Variants in TTC21B observed in about 807,000 individuals in gnomAD.
TTC21B encodes tetratricopeptide repeat domain 21B, also known as tetratricopeptide repeat protein 21B.
TTC21B carries 127 observed loss-of-function variants against 175.1 expected under a neutral mutation model. The ratio of observed to expected loss-of-function variants is 0.73; its 90% CI spans 0.63 to 0.84. The LOEUF (loss-of-function observed/expected upper bound fraction) is 0.84. Ranked by LOEUF, TTC21B falls within the 40% of genes least tolerant of loss-of-function variation. TTC21B has a pLI of 0.00. For synonymous variants in TTC21B, 524 were observed against 524.5 expected (o/e 1.00, Z 0.01); for missense variants, 1,561 against 1,558.3 (o/e 1.00, Z -0.03).
In TTC21B at chr2:165,953,752, C is replaced by T; in HGVS notation, c.-47G>A. The T allele has an allele frequency of 1.3e-6, 2 of 1,548,172 alleles. No homozygotes were observed. On this transcript the variant is annotated 5_prime_UTR_variant, in exon 1 of 29. Transcript: ENST00000243344. ...CGGGGCTCTGGGGATTGTCTCGCCG[C>T]AGCCTAAAGGAAGACGCAGAATTCA... is the stretch of plus-strand genomic sequence containing the variant.
chr2:165,893,649 G>A (rs757717992), intron 22 of TTC21B, among the ~76,000 whole-genome samples: 7 of 152,060 alleles, frequency 4.6e-5, no homozygotes, highest in Non-Finnish European at 1.0e-4. Context: ...TAGTTATAGG[G>A]TGATGAGATG....
chr2:165,913,715 A>G, intron 15 of TTC21B, 69 bp from the exon 16 acceptor site: 1 of 1,330,896 alleles, frequency 7.5e-7, no homozygotes, highest in Non-Finnish European at 1.1e-6. Context: ...AAAATAAAAT[A>G]AAAAATAAGC....
At chr2:165,887,967 C>T (rs1030307757) in intron 25 of TTC21B, among the ~76,000 whole-genome samples, 9 of 152,138 alleles carry the variant, frequency 5.9e-5, no homozygotes, top group Non-Finnish European at 2.9e-5. Flanking sequence ...ATCTTGGCTA[C>T]ATCTACAACA....
rs761856542 is a variant in TTC21B, at chr2:165,931,789, A to G, written c.863T>C (p.Phe288Ser). The G allele has an allele frequency of 8.5e-5, 137 of 1,613,510 alleles. 1 individual carries two copies. In the South Asian group the frequency reaches 1.5e-3, roughly 17 times the overall value. The change falls in exon 8 of 29, where the codon TTC becomes TCC. Residue 288 changes from phenylalanine (F) to serine (S), a missense_variant. Physicochemically the swap from Phe to Ser is radical, Grantham distance 155 (BLOSUM62 -2). Coordinates refer to ENST00000243344, the MANE Select transcript of TTC21B (RefSeq NM_024753.5). ...DAMEPQNAQLFYNITLAFSRT... is the reference protein window; with the variant it reads ...DAMEPQNAQLSYNITLAFSRT... ...GCTGAAGGCGAGTGTAATGTTATAG[A>G]AAAGTTGAGCATTCTGTGGTTCCAT...
At chr2:165,884,564 T>A (rs1684944787) in intron 25 of TTC21B, among the ~76,000 whole-genome samples, 1 of 152,176 alleles carries the variant, frequency 6.6e-6, no homozygotes. Flanking sequence ...TAACGAAATG[T>A]TAAAAATAAG....
chr2:165,937,248 G>A lies in TTC21B; in HGVS notation c.710+3779C>T, dbSNP rs565083066. ...ATTCTGGAAGAGGTAAAACTATAAA[G>A]GCAGTAAAAAGAGCAGTGGTTGCAA... On this transcript the variant is annotated intron_variant, in intron 6 of 28. Transcript: ENST00000243344. Among the ~76,000 whole-genome samples, 5 of 152,150 alleles carry A rather than the reference G, an allele frequency of 3.3e-5. No individual in the cohort carries two copies. In the East Asian group the frequency reaches 9.6e-4, roughly 29 times the overall value.
chr2:165,916,062 CA>C (rs1686160483), intron 14 of TTC21B, among the ~76,000 whole-genome samples: 3 of 152,174 alleles, frequency 2.0e-5, no homozygotes, highest in Admixed American at 6.5e-5. Flanking sequence ...CTGGGTGGAT[CA>C]CTTAAGCCCA....
chr2:165,926,751 A>T (rs1322526402), intron 11 of TTC21B, among the ~76,000 whole-genome samples: 1 of 151,788 alleles, frequency 6.6e-6, no homozygotes, highest in African/African-American at 2.4e-5. Flanking sequence ...GCTGGAATAT[A>T]AAGCAGGGAG....
chr2:165,875,018 T>C (rs1018390757), intron 28 of TTC21B, among the ~76,000 whole-genome samples, 186 bp from the exon 29 acceptor site: 1 of 152,170 alleles, frequency 6.6e-6, no homozygotes, highest in African/African-American at 2.4e-5. Flanking sequence ...TAATGGTAGT[T>C]AGATGAGAAC....
chr2:165,931,815 G>A lies in TTC21B; in HGVS notation c.837C>T (p.Ala279=). The change falls in exon 8 of 29, where the codon GCC becomes GCT. Residue 279 remains alanine, a synonymous_variant. Transcript: ENST00000243344. ...KLENLGNTLD[A]MEPQNAQLFY... is the part of the protein sequence containing the mutation. ...AAAGTTGAGCATTCTGTGGTTCCATGGCATCCAATGTATTTCCCAAGTTTT... is the reference window on the plus strand; with the variant it reads ...AAAGTTGAGCATTCTGTGGTTCCATAGCATCCAATGTATTTCCCAAGTTTT... 6.2e-7 allele frequency: 1 copy of A among 1,613,564 alleles called. No homozygotes were observed.
chr2:165,942,040 C>T (rs560421750), intron 5 of TTC21B, among the ~76,000 whole-genome samples: 54 of 152,180 alleles, frequency 3.5e-4, no homozygotes, highest in African/African-American at 1.2e-3. Context: ...AAATTTTTAT[C>T]AACTAGCTTT....
intron 20 of TTC21B, among the ~76,000 whole-genome samples, 172 bp downstream of exon 20, chr2:165,901,550 T>C (rs1053049131): frequency 6.6e-6 from 1 of 152,184 alleles, no homozygotes; most frequent in Non-Finnish European, 1.5e-5. Context: ...CTCAAACTCC[T>C]GACCTCAGAT....
chr2:165,899,285 TAG>T (rs1390936844), intron 21 of TTC21B, among the ~76,000 whole-genome samples: 1 of 152,186 alleles, frequency 6.6e-6, no homozygotes, highest in Non-Finnish European at 1.5e-5. Flanking sequence ...GTCATCTGTG[TAG>T]CTGTCTGCAA....
chr2:165,891,574 A>AATTCATTCATTC (rs3032516), intron 22 of TTC21B, among the ~76,000 whole-genome samples: 8 of 149,304 alleles, frequency 5.4e-5, no homozygotes, highest in African/African-American at 7.4e-5. Flanking sequence ...TTCTAAAAAA[A>AATTCATTCATTC]ATTCATTCAT....
At chr2:165,892,548 G>T (rs1402292019) in intron 22 of TTC21B, among the ~76,000 whole-genome samples, 1 of 152,086 alleles carries the variant, frequency 6.6e-6, no homozygotes, top group Non-Finnish European at 1.5e-5. Context: ...CATAAAAAAA[G>T]AAAATTTTGA....
chr2:165,949,256 A>G, intron 3 of TTC21B, 138 bp downstream of exon 3: 1 of 701,200 alleles, frequency 1.4e-6, no homozygotes, highest in Admixed American at 2.5e-5. Flanking sequence ...CTTGTCAGGA[A>G]GATAAACATA....
chr2:165,909,792 T>C (rs1685867452), intron 18 of TTC21B, among the ~76,000 whole-genome samples: 1 of 152,170 alleles, frequency 6.6e-6, no homozygotes, highest in Admixed American at 6.5e-5. Flanking sequence ...TCAATTATGA[T>C]ATTAAGATAC....
chr2:165,943,122 A>G, intron 5 of TTC21B, 97 bp downstream of exon 5: 3 of 1,286,326 alleles, frequency 2.3e-6, no homozygotes, highest in South Asian at 2.4e-5. Flanking sequence ...GTATCATGAA[A>G]ATTATCAACT....
chr2:165,897,502 G>A (rs1000623424), intron 22 of TTC21B, among the ~76,000 whole-genome samples: 2 of 152,132 alleles, frequency 1.3e-5, no homozygotes, highest in African/African-American at 4.8e-5. Context: ...AGGTGGGGGT[G>A]GAGCAAACTT....
Sources: gnomAD v4.1 joint callset for allele counts (sites outside exome capture counted in the v4.1 genomes callset) on GRCh38, gnomAD v4.1.1 for gene constraint, MANE v1.5 for transcripts, NCBI Gene and HGNC (gene_info 2026-07-23, HGNC 2026-07-21) for gene names.